WDPCP: variants seen among roughly 807,000 people sequenced by gnomAD.
WDPCP encodes the protein WD repeat containing planar cell polarity effector.
Under a neutral mutation model 93.1 loss-of-function variants are expected in WDPCP, and 71 were observed. The ratio of observed to expected loss-of-function variants is 0.76; its 90% CI spans 0.63 to 0.93. The LOEUF is 0.93. Ranked by LOEUF, WDPCP falls within the 40% of genes least tolerant of loss-of-function variation. WDPCP has a pLI of 0.00. For missense variants in WDPCP, 844 were observed against 887.4 expected (o/e 0.95, Z 0.62); for synonymous variants, 315 against 315.0 (o/e 1.00, Z 0.00).
intron 13 of WDPCP, among the ~76,000 whole-genome samples, chr2:63,294,507 C>T (rs866163756): frequency 5.8e-3 from 131 of 22,394 alleles, no homozygotes; most frequent in Middle Eastern, 0.036. Context: ...AAGACTGTTT[C>T]GAAAAAAAAA....
chr2:63,182,665 T>A (rs1031652964), intron 14 of WDPCP, among the ~76,000 whole-genome samples: 9 of 151,954 alleles, frequency 5.9e-5, no homozygotes, highest in African/African-American at 1.5e-4. Context: ...GTAGAATGAG[T>A]CAGGGAGGCT....
chr2:63,702,780 TTACATATGTA>T (rs1669079847), intron 2 of WDPCP, among the ~76,000 whole-genome samples: 2 of 151,996 alleles, frequency 1.3e-5, no homozygotes, highest in Admixed American at 6.6e-5. Flanking sequence ...TGCAGGTTTG[TTACATATGTA>T]TACATGTGAC....
At chr2:63,822,933 C>T (rs1216868294) in intron 1 of WDPCP, among the ~76,000 whole-genome samples, 1 of 150,512 alleles carries the variant, frequency 6.6e-6, no homozygotes, top group Non-Finnish European at 1.5e-5. Context: ...TTATTATTAA[C>T]CTATCTTGGT....
chr2:63,145,905 A>G (rs1320888468), intron 17 of WDPCP, among the ~76,000 whole-genome samples: 1 of 151,980 alleles, frequency 6.6e-6, no homozygotes, highest in Non-Finnish European at 1.5e-5. Context: ...TGTAGTTCTC[A>G]TTGTAGAGAT....
chr2:63,425,614 CT>C (rs1210205799), intron 9 of WDPCP, among the ~76,000 whole-genome samples: 2 of 152,114 alleles, frequency 1.3e-5, no homozygotes, highest in East Asian at 3.9e-4. Context: ...ATAGACTAAA[CT>C]AGGAAAAGAA....
At chr2:63,665,172 G>C (rs551655199) in intron 2 of WDPCP, among the ~76,000 whole-genome samples, 4 of 152,286 alleles carry the variant, frequency 2.6e-5, no homozygotes, top group East Asian at 3.9e-4. Context: ...TCACAAACTG[G>C]GTGGCTCAAA....
At chr2:63,575,869 T>G (rs899845597) in intron 1 of WDPCP, among the ~76,000 whole-genome samples, 2 of 152,070 alleles carry the variant, frequency 1.3e-5, no homozygotes, top group Non-Finnish European at 1.5e-5. Flanking sequence ...GTAAATAACA[T>G]GAATCCTAGA....
chr2:63,282,910 A>G lies in WDPCP; in HGVS notation c.1813-23501T>C, dbSNP rs531052721. Among the ~76,000 whole-genome samples, 12 of 152,262 alleles carry G rather than the reference A, an allele frequency of 7.9e-5. No individual in the cohort carries two copies. The East Asian group carries it at 9.7e-4, about 12-fold the overall frequency. On this transcript the variant is annotated intron_variant, in intron 13 of 17. Transcript: ENST00000272321. ...CCAAAACACTTTAAATCATCTCTTG[A>G]TTACTTATAACACTTACTATAATTC...
intron 14 of WDPCP, among the ~76,000 whole-genome samples, chr2:63,220,893 C>T (rs755032339): frequency 5.9e-5 from 9 of 152,066 alleles, no homozygotes; most frequent in African/African-American, 1.4e-4. Flanking sequence ...TGTGTTGTTC[C>T]CCTCCCTGTG....
chr2:63,826,943 A>T (rs887436285), intron 1 of WDPCP, among the ~76,000 whole-genome samples: 1 of 152,178 alleles, frequency 6.6e-6, no homozygotes, highest in Non-Finnish European at 1.5e-5. Flanking sequence ...TTTGTCACAA[A>T]TCCATTTGGT....
intron 14 of WDPCP, among the ~76,000 whole-genome samples, chr2:63,188,153 G>A (rs974004146): frequency 2.0e-5 from 3 of 152,056 alleles, no homozygotes; most frequent in African/African-American, 4.8e-5. Context: ...ATTATAATGT[G>A]TCTTGGTATG....
intron 2 of WDPCP, chr2:63,684,717 T>A: frequency 1.6e-6 from 1 of 639,406 alleles, no homozygotes; most frequent in Admixed American, 1.8e-5. Flanking sequence ...CGGTTTTAGA[T>A]GCTTTGTTTT....
At chr2:63,254,516 T>A (rs149200966) in intron 14 of WDPCP, among the ~76,000 whole-genome samples, 1 of 152,148 alleles carries the variant, frequency 6.6e-6, no homozygotes, top group African/African-American at 2.4e-5. Flanking sequence ...TAATATAAAC[T>A]TTAAAAATTA....
chr2:63,491,886 C>T (rs1352708256), intron 2 of WDPCP, among the ~76,000 whole-genome samples: 1 of 152,104 alleles, frequency 6.6e-6, no homozygotes, highest in Non-Finnish European at 1.5e-5. Flanking sequence ...TTTTTCATCT[C>T]TGCTAATTCC....
chr2:63,324,854 C>T (rs1687408058), intron 12 of WDPCP, among the ~76,000 whole-genome samples: 1 of 152,140 alleles, frequency 6.6e-6, no homozygotes, highest in South Asian at 2.1e-4. Context: ...GGAAAAAGCC[C>T]ATGAATTATT....
At chr2:63,516,219 T>C (rs1702542676) in intron 1 of WDPCP, among the ~76,000 whole-genome samples, 1 of 152,084 alleles carries the variant, frequency 6.6e-6, no homozygotes, top group South Asian at 2.1e-4. Context: ...GGGGTACATG[T>C]GATATTGCAA....
chr2:63,437,938 C>T (rs1388737149), intron 7 of WDPCP: 13 of 1,540,520 alleles, frequency 8.4e-6, no homozygotes, highest in East Asian at 4.7e-5. Flanking sequence ...AGAAACCATC[C>T]GAGGATAAAG....
At chr2:63,147,613 A>G (rs1426798126) in intron 17 of WDPCP, among the ~76,000 whole-genome samples, 1 of 152,178 alleles carries the variant, frequency 6.6e-6, no homozygotes, top group Non-Finnish European at 1.5e-5. Flanking sequence ...ATAGAATTCC[A>G]TGTCTGTTGC....
intron 1 of WDPCP, among the ~76,000 whole-genome samples, chr2:63,541,569 C>T (rs1227753450): frequency 6.6e-6 from 1 of 152,100 alleles, no homozygotes; most frequent in Non-Finnish European, 1.5e-5. Flanking sequence ...AAGTATATAG[C>T]AAATGTTTCC....
Sources: allele counts gnomAD v4.1 joint callset (sites outside exome capture counted in the v4.1 genomes callset), GRCh38; gene constraint gnomAD v4.1.1; transcripts MANE v1.5; gene names NCBI Gene and HGNC (gene_info 2026-07-23, HGNC 2026-07-21).